The following MTUS1 variants were observed in gnomAD, a reference collection of about 807,000 sequenced individuals.
MTUS1 encodes microtubule-associated tumor suppressor 1.
In MTUS1, 109 loss-of-function variants were observed where a neutral mutation model predicts 120.8. The observed-to-expected ratio is 0.90, with a 90% CI of 0.77 to 1.06. MTUS1 has a LOEUF of 1.06. Among genes scored for constraint, MTUS1 ranks in the 50% least tolerant of loss-of-function variants. The probability of loss-of-function intolerance (pLI) is 0.00; values close to 1 mark genes in which losing one functional copy is unlikely to be tolerated. For synonymous variants in MTUS1, 737 were observed against 550.5 expected (o/e 1.34, Z -4.74); for missense variants, 2,210 against 1,486.3 (o/e 1.49, Z -8.01).
intron 6 of MTUS1, 73 bp from the exon 7 acceptor site, chr8:17,684,615 A>G (rs1368759042): frequency 1.7e-6 from 2 of 1,186,112 alleles, no homozygotes; most frequent in Admixed American, 3.4e-5. Flanking sequence ...AAGGATTCAA[A>G]AACAACCAGA....
At chr8:17,657,799 CAAAA>C (rs1216051789) in intron 8 of MTUS1, among the ~76,000 whole-genome samples, 9 of 91,260 alleles carry the variant, frequency 9.9e-5, no homozygotes, top group East Asian at 3.1e-4. Context: ...GACCCTATCT[CAAAA>C]AAAAAAAAAA....
rs186784423 is a variant in MTUS1, at chr8:17,712,043, G to A, written c.2623+1171C>T. Among the ~76,000 whole-genome samples, 34 of 152,182 alleles carry A rather than the reference G, an allele frequency of 2.2e-4. No individual in the cohort carries two copies. In the East Asian group the frequency reaches 4.8e-3, roughly 22 times the overall value. On this transcript the variant is annotated intron_variant, in intron 6 of 14. Transcript: ENST00000693296. ...GGAAGATCACTGATCGCAGATCACC[G>A]TAAAAGATATAATAATAATGAAAAA...
rs551065194 is a variant in MTUS1 at position 17,755,063 on chromosome 8, C to T, written c.745G>A (p.Val249Met). The change falls in exon 2 of 15, where the codon GTG becomes ATG. Residue 249 changes from valine (V) to methionine (M), a missense_variant. Physicochemically the swap from Val to Met is conservative, Grantham distance 21. Transcript: ENST00000693296. ...QDMTYTAFSD[V>M]VMQSEVFVSD... ...ACAAAAACCTCACTTTGCATCACCA[C>T]ATCAGAAAATGCTGTGTAAGTCATG... 10 of 1,613,826 alleles carry T rather than the reference C, an allele frequency of 6.2e-6. No homozygotes were observed. The East Asian group carries it at 1.6e-4, about 25-fold the overall frequency.
chr8:17,650,032 A>T lies in MTUS1; in HGVS notation c.3385-70T>A. On this transcript the variant is annotated intron_variant, in intron 12 of 14. Transcript: ENST00000693296. ...AAATTCTTAACAGAAAGAATCTTTG[A>T]TTAGATTGAGACATTAGACAAGTAG... The T allele has an allele frequency of 3.5e-6, 3 of 857,312 alleles. No individual in the cohort carries two copies. In the South Asian group the frequency reaches 4.2e-5, roughly 12 times the overall value. The allele number at this position is 857,312 out of a possible 1,614,324, so 53.1% of individuals were successfully genotyped here.
chr8:17,691,704 G>GTT (rs200014137), intron 6 of MTUS1, among the ~76,000 whole-genome samples: 1 of 150,458 alleles, frequency 6.6e-6, no homozygotes, highest in Admixed American at 6.6e-5. Flanking sequence ...TAATATATGT[G>GTT]TTTTTTTTTA....
chr8:17,760,056 C>T (rs75211599), intron 1 of MTUS1, among the ~76,000 whole-genome samples: 2,160 of 95,410 alleles, frequency 0.023, 68 homozygotes, highest in African/African-American at 0.04. Context: ...GATTTCTTTT[C>T]TTTTTTTTTT....
intron 8 of MTUS1, among the ~76,000 whole-genome samples, chr8:17,663,183 C>T (rs137893606): frequency 1.4e-3 from 213 of 152,328 alleles, no homozygotes; most frequent in Admixed American, 2.2e-3. Context: ...AGCTGGAGTC[C>T]TCCCAGGTCC....
At chr8:17,730,149 A>G (rs887551899) in intron 3 of MTUS1, among the ~76,000 whole-genome samples, 2 of 152,170 alleles carry the variant, frequency 1.3e-5, no homozygotes, top group Non-Finnish European at 2.9e-5. Flanking sequence ...TTACCATATA[A>G]TCCAACAACT....
At chr8:17,784,302 T>G (rs1291353242) in intron 1 of MTUS1, among the ~76,000 whole-genome samples, 1 of 150,786 alleles carries the variant, frequency 6.6e-6, no homozygotes, top group East Asian at 1.9e-4. Flanking sequence ...ACTGTTTTTT[T>G]TTTTTTTTTT....
At chr8:17,724,160 A>G (rs1252017737) in intron 3 of MTUS1, 2 of 477,528 alleles carry the variant, frequency 4.2e-6, no homozygotes, top group Admixed American at 4.9e-5. Context: ...GCTTTTGGCA[A>G]AACTGAAATA....
chr8:17,729,676 T>G (rs2046430917), intron 3 of MTUS1, among the ~76,000 whole-genome samples: 1 of 152,226 alleles, frequency 6.6e-6, no homozygotes, highest in African/African-American at 2.4e-5. Context: ...TATTGCAATC[T>G]GAACCTACAT....
At chr8:17,767,954 G>A (rs888500514) in intron 1 of MTUS1, among the ~76,000 whole-genome samples, 1 of 152,186 alleles carries the variant, frequency 6.6e-6, no homozygotes, top group Non-Finnish European at 1.5e-5. Context: ...GGGAACTCCT[G>A]GCAGTGGCAG....
chr8:17,775,450 A>G (rs1336538297), intron 1 of MTUS1, among the ~76,000 whole-genome samples: 1 of 152,074 alleles, frequency 6.6e-6, no homozygotes, highest in East Asian at 1.9e-4. Flanking sequence ...CCTCAAATGT[A>G]AAGGGTCTAC....
At chr8:17,683,936 T>C (rs920916623) in intron 7 of MTUS1, among the ~76,000 whole-genome samples, 3 of 152,170 alleles carry the variant, frequency 2.0e-5, no homozygotes, top group Admixed American at 6.5e-5. Context: ...CTTTAATCCA[T>C]AAATATAACT....
intron 8 of MTUS1, among the ~76,000 whole-genome samples, chr8:17,659,693 T>G (rs745784653): frequency 6.6e-6 from 1 of 151,986 alleles, no homozygotes; most frequent in Non-Finnish European, 1.5e-5. Flanking sequence ...AAAGACTTCA[T>G]CTCAAAAACA....
Position 17,647,165 on chromosome 8 carries a change from C to T in MTUS1, c.3502-86G>A, listed in dbSNP as rs1305711825. On this transcript the variant is annotated intron_variant, in intron 13 of 14. Coordinates refer to ENST00000693296, the MANE Select transcript of MTUS1 (RefSeq NM_001363059.2). ...TAAGGCACCTCACGACACAAGCACA[C>T]TTTGGAGATTTAATTAAGGAAAATG... The T allele has an allele frequency of 6.1e-6, 6 of 978,944 alleles. No individual in the cohort carries two copies. The Admixed American group carries it at 1.4e-4, about 23-fold the overall frequency. The allele number at this position is 978,944 out of a possible 1,614,324, so 60.6% of individuals were successfully genotyped here. A position where few individuals can be genotyped will look rare whatever the true frequency, so the allele number is the denominator to read the frequency against.
At chr8:17,751,428 G>C (rs2048179597) in intron 2 of MTUS1, among the ~76,000 whole-genome samples, 1 of 152,180 alleles carries the variant, frequency 6.6e-6, no homozygotes, top group East Asian at 1.9e-4. Context: ...AATTCATTCA[G>C]CTCTCTACAG....
At chr8:17,766,193 A>C (rs867321939) in intron 1 of MTUS1, among the ~76,000 whole-genome samples, 1 of 152,228 alleles carries the variant, frequency 6.6e-6, no homozygotes, top group African/African-American at 2.4e-5. Context: ...AGCATACGGT[A>C]TTAGCAAAAA....
At chr8:17,681,046 A>T (rs1417083472) in intron 7 of MTUS1, among the ~76,000 whole-genome samples, 1 of 151,678 alleles carries the variant, frequency 6.6e-6, no homozygotes, top group Non-Finnish European at 1.5e-5. Flanking sequence ...TGATTCTTCT[A>T]CCTTAGCCTC....
Sources: allele counts gnomAD v4.1 joint callset (sites outside exome capture counted in the v4.1 genomes callset), GRCh38; gene constraint gnomAD v4.1.1; transcripts MANE v1.5; gene names NCBI Gene and HGNC (gene_info 2026-07-23, HGNC 2026-07-21).